FIG4: variants seen among roughly 807,000 people sequenced by gnomAD.
The protein encoded by FIG4 is polyphosphoinositide phosphatase.
A neutral mutation model predicts 118.6 loss-of-function variants in FIG4; 112 were observed. The ratio of observed to expected loss-of-function variants is 0.94; its 90% CI spans 0.81 to 1.11. The LOEUF (loss-of-function observed/expected upper bound fraction) is 1.11. Ranked by LOEUF, FIG4 falls within the 50% of genes least tolerant of loss-of-function variation. The pLI is 0.00. For synonymous variants in FIG4, 369 were observed against 381.2 expected, an observed-to-expected ratio of 0.97 and a Z score of 0.37; for missense variants, 969 against 1,111.7, an observed-to-expected ratio of 0.87 and a Z score of 1.83.
At chr6:109,805,445 T>A (rs1259374600) in intron 22 of FIG4, among the ~76,000 whole-genome samples, 1 of 152,220 alleles carries the variant, frequency 6.6e-6, no homozygotes, top group African/African-American at 2.4e-5. Context: ...TAGAAAACTA[T>A]TGTGGTTTGA....
At chr6:109,819,327 T>C (rs1778943493) in intron 22 of FIG4, among the ~76,000 whole-genome samples, 1 of 152,218 alleles carries the variant, frequency 6.6e-6, no homozygotes, top group South Asian at 2.1e-4. Context: ...GGTCCTTGGG[T>C]AGCCATCCAG....
intron 18 of FIG4, 100 bp downstream of exon 18, chr6:109,786,549 C>G: frequency 4.4e-6 from 6 of 1,358,320 alleles, no homozygotes; most frequent in Non-Finnish European, 6.3e-6. Context: ...TTCTGTAGGC[C>G]TTCTGTCAGG....
chr6:109,768,580 A>G (rs1777353526), intron 15 of FIG4, among the ~76,000 whole-genome samples: 1 of 152,086 alleles, frequency 6.6e-6, no homozygotes, highest in Non-Finnish European at 1.5e-5. Context: ...TGCCATTGAG[A>G]AAGAACCACT....
In FIG4 at chr6:109,752,317, A is replaced by G. The variant is rs917389965; in HGVS notation, c.1138-7933A>G. Among the ~76,000 whole-genome samples the G allele has an allele frequency of 8.0e-3, 1,212 of 151,098 alleles. 27 individuals carry two copies. Among genetic ancestry groups the G allele is most frequent in the African/African-American group, 0.026 (1,072 of 40,872 alleles). ...TAAACATACGTGTGCATGTGTCTTT[A>G]TAGCAGCATGATTTGTAGTCCTTTG... On this transcript the variant is annotated intron_variant, in intron 10 of 22. Transcript: ENST00000230124.
rs1777133859 is a variant in FIG4, at chr6:109,762,260, G to T, written c.1388+53G>T. The stretch of plus-strand genomic sequence containing the variant: ...TAAATGATGATTTTTGCTCTTATGG[G>T]TATTCTAAATACAGCAGTTTGTACT... On this transcript the variant is annotated intron_variant, in intron 12 of 22. Transcript: ENST00000230124. 5 of 1,121,800 alleles carry T rather than the reference G, an allele frequency of 4.5e-6. No homozygotes were observed. The Admixed American group carries it at 8.5e-5, about 19-fold the overall frequency. 69.5% of individuals were successfully genotyped at this position (1,121,800 alleles called of 1,614,324 possible). A position where few individuals can be genotyped will look rare whatever the true frequency, so the allele number is the denominator to read the frequency against.
At chr6:109,712,095 T>C (rs1361545829) in intron 1 of FIG4, among the ~76,000 whole-genome samples, 1 of 152,252 alleles carries the variant, frequency 6.6e-6, no homozygotes, top group Non-Finnish European at 1.5e-5. Flanking sequence ...CAATCTCTTC[T>C]GGCTTTTAGG....
chr6:109,748,121 G>A (rs984735152), intron 10 of FIG4, among the ~76,000 whole-genome samples: 3 of 152,148 alleles, frequency 2.0e-5, no homozygotes, highest in Non-Finnish European at 2.9e-5. Flanking sequence ...TCTTTTGTAC[G>A]TGGGAGGGTA....
chr6:109,732,811 A>C (rs1261592893), intron 5 of FIG4, 124 bp downstream of exon 5: 1 of 617,048 alleles, frequency 1.6e-6, no homozygotes, highest in South Asian at 1.9e-5. Flanking sequence ...TGTTTTATCT[A>C]AAATCATTAA....
chr6:109,741,612 A>AC, intron 8 of FIG4, 68 bp downstream of exon 8: 1 of 1,013,954 alleles, frequency 9.9e-7, no homozygotes, highest in East Asian at 2.4e-5. Flanking sequence ...ATGTAGAAGC[A>AC]CAGTGAAATT....
chr6:109,702,557 G>T (rs1583626849), intron 1 of FIG4, among the ~76,000 whole-genome samples: 1 of 152,160 alleles, frequency 6.6e-6, no homozygotes, highest in South Asian at 2.1e-4. Flanking sequence ...TTCCCTAGTG[G>T]TGTTGATTCG....
chr6:109,775,224 A>G (rs1228225698), intron 15 of FIG4, among the ~76,000 whole-genome samples: 2 of 152,060 alleles, frequency 1.3e-5, no homozygotes, highest in Non-Finnish European at 1.5e-5. Flanking sequence ...TGATTGTTTT[A>G]TTTGCAGTCA....
At chr6:109,790,831 A>G (rs544983665) in intron 19 of FIG4, among the ~76,000 whole-genome samples, 36 of 152,272 alleles carry the variant, frequency 2.4e-4, no homozygotes, top group African/African-American at 6.5e-4. Context: ...ATTCCCTACT[A>G]TTAAAGGGAA....
chr6:109,719,532 T>C (rs567111681), intron 3 of FIG4, among the ~76,000 whole-genome samples: 1 of 152,158 alleles, frequency 6.6e-6, no homozygotes, highest in African/African-American at 2.4e-5. Flanking sequence ...TACAGGCATA[T>C]GCCGCCACGC....
At chr6:109,715,291 T>C in intron 2 of FIG4, 115 bp downstream of exon 2, 1 of 637,170 alleles carries the variant, frequency 1.6e-6, no homozygotes, top group South Asian at 1.8e-5. Context: ...TCTAAAAGTT[T>C]CCGTTATTTT....
intron 1 of FIG4, among the ~76,000 whole-genome samples, chr6:109,714,100 A>G (rs1775354652): frequency 6.6e-6 from 1 of 152,124 alleles, no homozygotes; most frequent in Non-Finnish European, 1.5e-5. Flanking sequence ...TGTTGCCCCT[A>G]CCACTTCTCT....
chr6:109,822,641 G>A (rs1336544393), intron 22 of FIG4, among the ~76,000 whole-genome samples: 1 of 151,546 alleles, frequency 6.6e-6, no homozygotes, highest in Non-Finnish European at 1.5e-5. Flanking sequence ...AGATTTATTG[G>A]CTCCAAACCC....
chr6:109,722,095 A>T (rs2128382749), intron 3 of FIG4, among the ~76,000 whole-genome samples: 1 of 151,836 alleles, frequency 6.6e-6, no homozygotes, highest in Non-Finnish European at 1.5e-5. Context: ...TGAAATGCTT[A>T]CTTTTGTAAG....
intron 17 of FIG4, 83 bp from the exon 18 acceptor site, chr6:109,786,219 G>A: frequency 8.0e-7 from 1 of 1,246,156 alleles, no homozygotes; most frequent in Non-Finnish European, 1.2e-6. Context: ...TCACAGTGCT[G>A]TCTGTGAACA....
At chr6:109,709,531 G>T (rs779784791) in intron 1 of FIG4, among the ~76,000 whole-genome samples, 4 of 152,136 alleles carry the variant, frequency 2.6e-5, no homozygotes, top group Admixed American at 6.5e-5. Flanking sequence ...GAATAGCATC[G>T]AATCTGTAAA....
Sources: gnomAD v4.1 joint callset for allele counts (sites outside exome capture counted in the v4.1 genomes callset) on GRCh38, gnomAD v4.1.1 for gene constraint, MANE v1.5 for transcripts, NCBI Gene and HGNC (gene_info 2026-07-23, HGNC 2026-07-21) for gene names.